DHDDS: variants seen among roughly 807,000 people sequenced by gnomAD.
DHDDS encodes dehydrodolichyl diphosphate synthase subunit, also known as dehydrodolichyl diphosphate synthase complex subunit DHDDS.
In DHDDS, 16 loss-of-function variants were observed where a neutral mutation model predicts 46.2. That is an observed-to-expected ratio of 0.35 (90% CI 0.23 to 0.53). The LOEUF (loss-of-function observed/expected upper bound fraction) is 0.53, where lower values mean the gene tolerates loss of function less well. Ranked by LOEUF, DHDDS falls within the 20% of genes least tolerant of loss-of-function variation. The probability of loss-of-function intolerance (pLI) is 0.94; values close to 1 mark genes in which losing one functional copy is unlikely to be tolerated. For synonymous variants in DHDDS, 151 were observed against 163.1 expected (o/e 0.93, Z 0.56); for missense variants, 340 against 423.7 (o/e 0.80, Z 1.73).
rs559053429 is a variant in DHDDS at position 26,447,069 on chromosome 1, G to T, written c.441-490G>T. On this transcript the variant is annotated intron_variant, in intron 5 of 8. Transcript: ENST00000236342. Reference sequence around the variant, plus strand: ...AGCTATTTGGTGGCTGGGCACAGTGGCTCACGCCTGTCATCCTAGGCAGGT... The same window carrying T: ...AGCTATTTGGTGGCTGGGCACAGTGTCTCACGCCTGTCATCCTAGGCAGGT... Among the ~76,000 whole-genome samples the T allele has an allele frequency of 7.9e-5, 12 of 152,248 alleles. No homozygotes were observed. The East Asian group carries it at 1.9e-3, about 25-fold the overall frequency.
chr1:26,439,916 G>A (rs546176916), intron 3 of DHDDS, among the ~76,000 whole-genome samples: 28 of 152,282 alleles, frequency 1.8e-4, no homozygotes, highest in African/African-American at 3.1e-4. Context: ...TGAGGTGCGC[G>A]GATCATGAGG....
chr1:26,434,029 T>C (rs1202950878), intron 2 of DHDDS, among the ~76,000 whole-genome samples: 1 of 152,216 alleles, frequency 6.6e-6, no homozygotes, highest in Admixed American at 6.5e-5. Context: ...CCACTGCACC[T>C]GGCCTGAAAG....
intron 4 of DHDDS, among the ~76,000 whole-genome samples, chr1:26,443,540 G>C (rs945100895): frequency 1.3e-5 from 2 of 150,592 alleles, no homozygotes; most frequent in African/African-American, 4.8e-5. Flanking sequence ...GAGACTGCTT[G>C]CTTCAAAGTA....
chr1:26,470,958 G>C lies in DHDDS; in HGVS notation c.*1827G>C, dbSNP rs1267616266. On this transcript the variant is annotated 3_prime_UTR_variant, in exon 9 of 9. Transcript: ENST00000236342. ...CGTAATATGATTGGGGTACAGTAGAGGTGATTAATGGGGCTGGCATCTCTC... is the reference window on the plus strand; with the variant it reads ...CGTAATATGATTGGGGTACAGTAGACGTGATTAATGGGGCTGGCATCTCTC... 2 of 152,514 alleles carry C rather than the reference G, an allele frequency of 1.3e-5. No homozygotes were observed. The highest frequency in any genetic ancestry group is 2.4e-5 in the African/African-American group (1 of 41,426). The allele number at this position is 152,514 out of a possible 1,614,324, so 9.4% of individuals were successfully genotyped here.
At chr1:26,452,807 GA>G (rs911283037) in intron 6 of DHDDS, among the ~76,000 whole-genome samples, 2 of 152,004 alleles carry the variant, frequency 1.3e-5, no homozygotes, top group Non-Finnish European at 2.9e-5. Context: ...CAGTAAAAAA[GA>G]AAAAAATTAG....
At chr1:26,444,863 G>A (rs1422920758) in intron 4 of DHDDS, among the ~76,000 whole-genome samples, 1 of 152,212 alleles carries the variant, frequency 6.6e-6, no homozygotes, top group Non-Finnish European at 1.5e-5. Flanking sequence ...CTAGCAGGAG[G>A]AGCTGAATCA....
At chr1:26,458,023 G>A (rs539431049) in intron 7 of DHDDS, 118 bp downstream of exon 7, 1 of 845,748 alleles carries the variant, frequency 1.2e-6, no homozygotes, top group South Asian at 1.4e-5. Context: ...GTACTTCTGG[G>A]GAAAGCTAAA....
intron 2 of DHDDS, 165 bp downstream of exon 2, chr1:26,433,173 C>T (rs1318537580): frequency 2.7e-6 from 2 of 752,084 alleles, no homozygotes; most frequent in Non-Finnish European, 4.5e-6. Context: ...GTCTACATTT[C>T]TGGTAGACTT....
At chr1:26,435,741 A>G (rs1203606346) in intron 2 of DHDDS, among the ~76,000 whole-genome samples, 2 of 151,924 alleles carry the variant, frequency 1.3e-5, no homozygotes, top group Admixed American at 1.3e-4. Flanking sequence ...CAGCCTCCCA[A>G]GTAGCTGGTG....
intron 6 of DHDDS, among the ~76,000 whole-genome samples, chr1:26,448,950 T>C (rs2075294308): frequency 6.6e-6 from 1 of 152,154 alleles, no homozygotes; most frequent in Non-Finnish European, 1.5e-5. Context: ...AGTTACTTGG[T>C]GAGAATAGAA....
chr1:26,445,657 T>G (rs894040479), intron 4 of DHDDS, among the ~76,000 whole-genome samples: 1 of 151,704 alleles, frequency 6.6e-6, no homozygotes, highest in African/African-American at 2.4e-5. Context: ...AAGTTAACAC[T>G]GAACCATGAG....
chr1:26,435,507 G>C, intron 2 of DHDDS, among the ~76,000 whole-genome samples: 1 of 138,438 alleles, frequency 7.2e-6, no homozygotes, highest in East Asian at 2.3e-4. Context: ...GTGCTATCTC[G>C]GCTCACTGCA....
chr1:26,432,749 G>A (rs2075116591), intron 1 of DHDDS, 142 bp from the exon 2 acceptor site: 1 of 613,890 alleles, frequency 1.6e-6, no homozygotes, highest in Non-Finnish European at 2.9e-6. Context: ...AAAACTCTGG[G>A]TGGTAAAAGA....
intron 3 of DHDDS, among the ~76,000 whole-genome samples, chr1:26,439,050 C>A (rs9438549): frequency 0.72 from 109,790 of 151,894 alleles, 39,916 homozygotes; most frequent in East Asian, 0.86. Context: ...TCTGCCTCAG[C>A]CTCCTGAGTA....
intron 8 of DHDDS, among the ~76,000 whole-genome samples, chr1:26,468,554 T>C (rs2075516635): frequency 6.6e-6 from 1 of 152,140 alleles, no homozygotes; most frequent in Non-Finnish European, 1.5e-5. Context: ...GAAATGAGGT[T>C]AGGACAGGAT....
At chr1:26,453,237 A>G (rs1339932700) in intron 6 of DHDDS, among the ~76,000 whole-genome samples, 1 of 152,154 alleles carries the variant, frequency 6.6e-6, no homozygotes, top group Non-Finnish European at 1.5e-5. Flanking sequence ...CCGTGTTTTT[A>G]ATAATTCTTC....
rs543098604 is a variant in DHDDS at position 26,467,848 on chromosome 1, C to T, written c.766-1047C>T. ...TGCAGGTCAGTTAGACTGGCAGGAACAGAGAGGATCAGTGAGGCACAGGAA... is the reference window on the plus strand; with the variant it reads ...TGCAGGTCAGTTAGACTGGCAGGAATAGAGAGGATCAGTGAGGCACAGGAA... On this transcript the variant is annotated intron_variant, in intron 8 of 8. Transcript: ENST00000236342. Among the ~76,000 whole-genome samples, 78 of 152,308 alleles carry T rather than the reference C, an allele frequency of 5.1e-4. 1 individual carries two copies. The highest frequency in any genetic ancestry group is 3.9e-3 in the South Asian group (19 of 4,824).
chr1:26,442,993 A>T, intron 4 of DHDDS, 120 bp downstream of exon 4: 1 of 1,528,514 alleles, frequency 6.5e-7, no homozygotes, highest in East Asian at 2.4e-5. Flanking sequence ...AATGTTAGTT[A>T]GATATCTTGG....
chr1:26,434,820 ATTT>A (rs67223673), intron 2 of DHDDS, among the ~76,000 whole-genome samples: 4 of 129,138 alleles, frequency 3.1e-5, no homozygotes, highest in African/African-American at 3.0e-5. Flanking sequence ...TGCCTGGCTA[ATTT>A]TTTTTTTTTT....
Sources: allele counts gnomAD v4.1 joint callset (sites outside exome capture counted in the v4.1 genomes callset), GRCh38; gene constraint gnomAD v4.1.1; transcripts MANE v1.5; gene names NCBI Gene and HGNC (gene_info 2026-07-23, HGNC 2026-07-21).